ABHD17C: variants seen among roughly 807,000 people sequenced by gnomAD.
ABHD17C encodes the protein alpha/beta hydrolase domain-containing protein 17C.
Under a neutral mutation model 27.9 loss-of-function variants are expected in ABHD17C, and 11 were observed. The ratio of observed to expected loss-of-function variants is 0.39; its 90% CI spans 0.25 to 0.65. The LOEUF is 0.65. Among genes scored for constraint, ABHD17C ranks in the 30% least tolerant of loss-of-function variants. The probability of loss-of-function intolerance (pLI) is 0.45; values close to 1 mark genes in which losing one functional copy is unlikely to be tolerated. For missense variants in ABHD17C, 280 were observed against 470.2 expected (o/e 0.60, Z 3.74); for synonymous variants, 233 against 209.1 (o/e 1.11, Z -0.98).
At chr15:80,729,755 A>T (rs552671317) in intron 1 of ABHD17C, among the ~76,000 whole-genome samples, 1 of 152,334 alleles carries the variant, frequency 6.6e-6, no homozygotes, top group East Asian at 1.9e-4. Flanking sequence ...CGAGAACCTA[A>T]TGGCATCTTG....
chr15:80,748,878 A>T lies in ABHD17C; in HGVS notation c.591-635A>T, dbSNP rs116574649. On this transcript the variant is annotated intron_variant, in intron 1 of 2. Coordinates refer to ENST00000258884, the MANE Select transcript of ABHD17C (RefSeq NM_021214.2). ...TAGGTCTCTGCACGCACCAGGCTGC[A>T]AGGGAGGCTGGGAAATGAAGCCTGT... Among the ~76,000 whole-genome samples the T allele has an allele frequency of 3.6e-3, 551 of 151,940 alleles. 5 individuals carry two copies. Among genetic ancestry groups the T allele is most frequent in the African/African-American group, 0.013 (525 of 41,410 alleles).
intron 1 of ABHD17C, among the ~76,000 whole-genome samples, chr15:80,710,833 T>C (rs1894719330): frequency 6.6e-6 from 1 of 152,088 alleles, no homozygotes; most frequent in South Asian, 2.1e-4. Context: ...TGCCTCTGCC[T>C]CCCTAAGTGC....
chr15:80,700,923 C>A lies in ABHD17C; in HGVS notation c.590+4904C>A, dbSNP rs569034809. 6.5e-5 allele frequency among the ~76,000 whole-genome samples: 9 copies of A among 139,278 alleles called. No individual in the cohort carries two copies. In the South Asian group the frequency reaches 1.9e-3, roughly 30 times the overall value. 91.4% of individuals were successfully genotyped at this position (139,278 alleles called of 152,430 possible). ...CTCAAAAAACAAAACAAACAAAAAACCCCAAACTGTTAAACACACATTTAT... is the reference window on the plus strand; with the variant it reads ...CTCAAAAAACAAAACAAACAAAAAAACCCAAACTGTTAAACACACATTTAT... On this transcript the variant is annotated intron_variant, in intron 1 of 2. Coordinates refer to ENST00000258884, the MANE Select transcript of ABHD17C (RefSeq NM_021214.2).
At chr15:80,724,836 C>T (rs749653688) in intron 1 of ABHD17C, among the ~76,000 whole-genome samples, 3 of 152,194 alleles carry the variant, frequency 2.0e-5, no homozygotes, top group Non-Finnish European at 4.4e-5. Flanking sequence ...GAGTTTTCTG[C>T]TCCTGGCCCT....
At chr15:80,752,977 A>T (rs922011197) in intron 2 of ABHD17C, among the ~76,000 whole-genome samples, 6 of 152,232 alleles carry the variant, frequency 3.9e-5, no homozygotes, top group African/African-American at 7.2e-5. Flanking sequence ...TAGGCATTAC[A>T]TTAAGTTTTC....
intron 1 of ABHD17C, among the ~76,000 whole-genome samples, chr15:80,723,372 C>T (rs1476139249): frequency 1.3e-5 from 2 of 152,082 alleles, no homozygotes; most frequent in Non-Finnish European, 2.9e-5. Flanking sequence ...GTGAACTTCT[C>T]CATGGGTGAG....
intron 1 of ABHD17C, among the ~76,000 whole-genome samples, chr15:80,739,317 C>T (rs898129045): frequency 4.6e-5 from 7 of 152,312 alleles, no homozygotes; most frequent in Non-Finnish European, 7.4e-5. Context: ...ACTCCATTAA[C>T]CATGCCTTAG....
At chr15:80,699,017 C>T (rs1316351371) in intron 1 of ABHD17C, among the ~76,000 whole-genome samples, 1 of 152,246 alleles carries the variant, frequency 6.6e-6, no homozygotes, top group Non-Finnish European at 1.5e-5. Flanking sequence ...TTGCCCCACT[C>T]TTCTGCTCAC....
chr15:80,695,516 C>A lies in ABHD17C; in HGVS notation c.87C>A (p.Ile29=). 1 of 1,378,514 alleles carries A rather than the reference C, an allele frequency of 7.3e-7. No homozygotes were observed. Among genetic ancestry groups the A allele is most frequent in the Non-Finnish European group, 9.5e-7 (1 of 1,054,202 alleles). 85.4% of individuals were successfully genotyped at this position (1,378,514 alleles called of 1,614,324 possible). The change falls in exon 1 of 3, where the codon ATC becomes ATA. Residue 29 remains isoleucine (I), a synonymous_variant. Coordinates refer to ENST00000258884, the MANE Select transcript of ABHD17C (RefSeq NM_021214.2). The surrounding 1 kb of genome is among the most constrained non-coding windows in gnomAD (Gnocchi z 4.3). ...LFCCPPCPSR[I]AAKLAFLPPE... ...GCTGCCCGCCCTGCCCGAGCCGCAT[C>A]GCCGCCAAGCTGGCCTTCCTGCCGC...
At chr15:80,716,773 T>C (rs1280356888) in intron 1 of ABHD17C, among the ~76,000 whole-genome samples, 1 of 152,220 alleles carries the variant, frequency 6.6e-6, no homozygotes, top group African/African-American at 2.4e-5. Flanking sequence ...AATTATTCTC[T>C]TACTTAATCT....
At chr15:80,701,170 G>T (rs1030237128) in intron 1 of ABHD17C, among the ~76,000 whole-genome samples, 1 of 152,104 alleles carries the variant, frequency 6.6e-6, no homozygotes, top group African/African-American at 2.4e-5. Context: ...CAGGTCGTGG[G>T]ACCCTTGAAA....
At chr15:80,752,199 A>G (rs1895374632) in intron 2 of ABHD17C, among the ~76,000 whole-genome samples, 1 of 152,202 alleles carries the variant, frequency 6.6e-6, no homozygotes, top group Admixed American at 6.5e-5. Flanking sequence ...AATTGTGTAT[A>G]ATTGAACTCT....
intron 2 of ABHD17C, among the ~76,000 whole-genome samples, chr15:80,751,149 A>G (rs1895359837): frequency 6.6e-6 from 1 of 152,032 alleles, no homozygotes; most frequent in African/African-American, 2.4e-5. Context: ...CAGGAGTTCA[A>G]AACCAGCCTG....
At chr15:80,700,931 T>C (rs1459306083) in intron 1 of ABHD17C, among the ~76,000 whole-genome samples, 1 of 130,438 alleles carries the variant, frequency 7.7e-6, no homozygotes, top group Admixed American at 7.4e-5. Flanking sequence ...AACCCCAAAC[T>C]GTTAAACACA....
chr15:80,751,309 G>A (rs139793418), intron 2 of ABHD17C, among the ~76,000 whole-genome samples: 2 of 152,050 alleles, frequency 1.3e-5, no homozygotes, highest in East Asian at 3.9e-4. Context: ...GCAGTGAGCC[G>A]AGATCGCACC....
intron 1 of ABHD17C, among the ~76,000 whole-genome samples, chr15:80,743,882 T>A (rs1895246821): frequency 6.6e-6 from 1 of 152,238 alleles, no homozygotes; most frequent in African/African-American, 2.4e-5. Context: ...TATGAATACA[T>A]CTTCTGTGTC....
chr15:80,753,865 T>A (rs563122924), intron 2 of ABHD17C, among the ~76,000 whole-genome samples: 14 of 152,332 alleles, frequency 9.2e-5, no homozygotes, highest in Middle Eastern at 3.4e-3. Flanking sequence ...TCATCAAAGG[T>A]ACTGCTGTGG....
intron 1 of ABHD17C, among the ~76,000 whole-genome samples, chr15:80,726,243 C>A (rs1380205534): frequency 6.6e-6 from 1 of 152,146 alleles, no homozygotes; most frequent in Non-Finnish European, 1.5e-5. Context: ...CTTTCCTTGC[C>A]CTCATTCCCA....
intron 2 of ABHD17C, 75 bp downstream of exon 2, chr15:80,749,767 TGTG>T: frequency 2.0e-6 from 3 of 1,490,458 alleles, no homozygotes; most frequent in Non-Finnish European, 2.8e-6. Context: ...CATAAATATC[TGTG>T]TAAATATTTA....
Sources: gnomAD v4.1 joint callset for allele counts (sites outside exome capture counted in the v4.1 genomes callset) on GRCh38, gnomAD v4.1.1 for gene constraint, Gnocchi (gnomAD v3.1) non-coding constraint, MANE v1.5 for transcripts, NCBI Gene and HGNC (gene_info 2026-07-23, HGNC 2026-07-21) for gene names.